The following ITGBL1 variants were observed in gnomAD, a reference collection of about 807,000 sequenced individuals.
The protein encoded by ITGBL1 is integrin subunit beta like 1.
In ITGBL1, 51 loss-of-function variants were observed where a neutral mutation model predicts 68.5. The observed-to-expected ratio is 0.74, with a 90% confidence interval of 0.59 to 0.94. The LOEUF is 0.94. Ranked by LOEUF, ITGBL1 falls within the 40% of genes least tolerant of loss-of-function variation. The pLI, the probability that ITGBL1 is intolerant of heterozygous loss-of-function variation, is 0.00. For missense variants in ITGBL1, 649 were observed against 647.4 expected (o/e 1.00, Z -0.03); for synonymous variants, 209 against 227.3 (o/e 0.92, Z 0.72).
rs183860330 is a variant in ITGBL1, at chr13:101,656,860, T to C, written c.1016-35725T>C. On this transcript the variant is annotated intron_variant, in intron 7 of 10. Coordinates refer to ENST00000376180, the MANE Select transcript of ITGBL1 (RefSeq NM_004791.3). ...TTCTTTTTGTCAATAAAATACATCT[T>C]AAATATATAGTCAGGCTCCTCTTTA... Among the ~76,000 whole-genome samples, 32 of 152,314 alleles carry C rather than the reference T, an allele frequency of 2.1e-4. No homozygotes were observed. The East Asian group carries it at 6.2e-3, about 29-fold the overall frequency.
intron 4 of ITGBL1, among the ~76,000 whole-genome samples, chr13:101,577,480 T>G (rs887863875): frequency 6.6e-6 from 1 of 152,198 alleles, no homozygotes; most frequent in African/African-American, 2.4e-5. Context: ...TGTTACATAA[T>G]TTTTGCTTCC....
intron 2 of ITGBL1, among the ~76,000 whole-genome samples, chr13:101,560,475 T>G (rs977509274): frequency 5.3e-5 from 8 of 152,192 alleles, no homozygotes; most frequent in Non-Finnish European, 1.0e-4. Flanking sequence ...TATCCTTCTC[T>G]ATGTGATAAA....
intron 7 of ITGBL1, among the ~76,000 whole-genome samples, chr13:101,648,497 C>A (rs1216472603): frequency 6.6e-6 from 1 of 152,070 alleles, no homozygotes; most frequent in Non-Finnish European, 1.5e-5. Flanking sequence ...TGATCGAGGA[C>A]AAGGCAAGGA....
At chr13:101,456,962 C>T (rs563438294) in intron 2 of ITGBL1, among the ~76,000 whole-genome samples, 12 of 152,270 alleles carry the variant, frequency 7.9e-5, no homozygotes, top group African/African-American at 2.6e-4. Flanking sequence ...GATTCAAATC[C>T]TAGTCCTATT....
intron 7 of ITGBL1, among the ~76,000 whole-genome samples, chr13:101,614,911 C>T (rs1443065509): frequency 6.6e-6 from 1 of 152,132 alleles, no homozygotes; most frequent in African/African-American, 2.4e-5. Flanking sequence ...CAGGTGACCC[C>T]TTGTGATCCA....
intron 2 of ITGBL1, 89 bp from the exon 3 acceptor site, chr13:101,567,610 A>C: frequency 8.0e-7 from 1 of 1,250,896 alleles, no homozygotes; most frequent in Non-Finnish European, 1.1e-6. Context: ...CTCAGTCCCA[A>C]ATCAATGTCA....
chr13:101,681,049 C>A (rs1356616092), intron 7 of ITGBL1, among the ~76,000 whole-genome samples: 1 of 152,118 alleles, frequency 6.6e-6, no homozygotes, highest in Non-Finnish European at 1.5e-5. Flanking sequence ...ATCCTTCTTT[C>A]TTTTGTATCT....
At chr13:101,502,890 G>A (rs528006364) in intron 2 of ITGBL1, among the ~76,000 whole-genome samples, 101 of 152,264 alleles carry the variant, frequency 6.6e-4, no homozygotes, top group African/African-American at 2.3e-3. Context: ...AGAGAATGAG[G>A]CAAGATGTAT....
chr13:101,693,628 A>ATCTATCTG (rs1199377542), intron 8 of ITGBL1, among the ~76,000 whole-genome samples: 1 of 52,706 alleles, frequency 1.9e-5, no homozygotes, highest in Non-Finnish European at 3.9e-5. Flanking sequence ...CTGTCTGTCT[A>ATCTATCTG]TCTATCTATC....
At chr13:101,673,132 T>C (rs1594970928) in intron 7 of ITGBL1, among the ~76,000 whole-genome samples, 1 of 152,194 alleles carries the variant, frequency 6.6e-6, no homozygotes, top group East Asian at 1.9e-4. Flanking sequence ...TCCCAAGACA[T>C]TGAAATAAGA....
At chr13:101,690,257 C>G (rs956378413) in intron 7 of ITGBL1, among the ~76,000 whole-genome samples, 7 of 151,470 alleles carry the variant, frequency 4.6e-5, no homozygotes, top group African/African-American at 1.7e-4. Context: ...AAATTATCCA[C>G]AATGAAAACA....
intron 3 of ITGBL1, among the ~76,000 whole-genome samples, chr13:101,574,935 A>G (rs1282627211): frequency 6.6e-6 from 1 of 152,174 alleles, no homozygotes; most frequent in Non-Finnish European, 1.5e-5. Flanking sequence ...AGGGGCACAT[A>G]TGATTTTTAT....
At chr13:101,558,383 TG>T (rs1355113739) in intron 2 of ITGBL1, among the ~76,000 whole-genome samples, 2 of 152,122 alleles carry the variant, frequency 1.3e-5, no homozygotes, top group East Asian at 3.9e-4. Flanking sequence ...ATTTGGATGA[TG>T]GGTACACTAG....
chr13:101,585,305 G>C (rs2050533463), intron 6 of ITGBL1, among the ~76,000 whole-genome samples: 1 of 152,160 alleles, frequency 6.6e-6, no homozygotes, highest in Non-Finnish European at 1.5e-5. Context: ...GTAAGCCAAA[G>C]TTTATATTTT....
intron 7 of ITGBL1, among the ~76,000 whole-genome samples, chr13:101,630,837 T>C (rs1195288286): frequency 1.3e-5 from 2 of 152,254 alleles, no homozygotes; most frequent in Non-Finnish European, 1.5e-5. Context: ...GTTGCCTCTC[T>C]GTCTCTGTAT....
At chr13:101,545,854 CTAGT>C (rs1173282624) in intron 2 of ITGBL1, among the ~76,000 whole-genome samples, 8 of 152,144 alleles carry the variant, frequency 5.3e-5, no homozygotes, top group Admixed American at 5.2e-4. Flanking sequence ...TTGGTTACTC[CTAGT>C]TAAACATTTT....
At chr13:101,564,615 A>T (rs2050152752) in intron 2 of ITGBL1, among the ~76,000 whole-genome samples, 1 of 83,168 alleles carries the variant, frequency 1.2e-5, no homozygotes. Context: ...ATATGTGTAT[A>T]TGTTGATATA....
chr13:101,713,631 G>A (rs550324998), intron 9 of ITGBL1: 15 of 152,164 alleles, frequency 9.9e-5, no homozygotes, highest in Non-Finnish European at 1.6e-4. Flanking sequence ...TGTTTAGACT[G>A]AGAGAACTTC....
intron 7 of ITGBL1, among the ~76,000 whole-genome samples, chr13:101,666,135 TC>T (rs1289668529): frequency 6.6e-6 from 1 of 152,154 alleles, no homozygotes; most frequent in Non-Finnish European, 1.5e-5. Context: ...TGTCTGTCTT[TC>T]TGCCCATTAT....
Sources: gnomAD v4.1 joint callset for allele counts (sites outside exome capture counted in the v4.1 genomes callset) on GRCh38, gnomAD v4.1.1 for gene constraint, MANE v1.5 for transcripts, NCBI Gene and HGNC (gene_info 2026-07-23, HGNC 2026-07-21) for gene names.